Variants in MICU1 observed in about 807,000 individuals in gnomAD.
MICU1 encodes calcium uptake protein 1, mitochondrial.
In MICU1, 45 loss-of-function variants were observed where a neutral mutation model predicts 56.8. The ratio of observed to expected loss-of-function variants is 0.79; its 90% CI spans 0.62 to 1.02. The LOEUF (loss-of-function observed/expected upper bound fraction) is 1.02. Ranked by LOEUF, MICU1 falls within the 50% of genes least tolerant of loss-of-function variation. The probability of loss-of-function intolerance (pLI) is 0.00; values close to 1 mark genes in which losing one functional copy is unlikely to be tolerated. For missense variants in MICU1, 504 were observed against 587.1 expected (o/e 0.86, Z 1.46); for synonymous variants, 186 against 195.1 (o/e 0.95, Z 0.39).
chr10:72,527,522 C>G (rs748388244), intron 5 of MICU1, among the ~76,000 whole-genome samples: 43 of 152,148 alleles, frequency 2.8e-4, no homozygotes, highest in Admixed American at 5.2e-4. Context: ...ATCACCACAC[C>G]TGGCAACCTT....
intron 1 of MICU1, among the ~76,000 whole-genome samples, chr10:72,606,945 T>C (rs1358308207): frequency 6.6e-6 from 1 of 152,182 alleles, no homozygotes; most frequent in Admixed American, 6.5e-5. Context: ...TCCAGGCTGG[T>C]GAACTCATGA....
At position 72,591,225 on chromosome 10, in the gene MICU1, G is replaced by A. The variant is rs192148780; in HGVS notation, c.-1-24431C>T. Among the ~76,000 whole-genome samples, 428 of 152,188 alleles carry A rather than the reference G, an allele frequency of 2.8e-3. 2 individuals carry two copies. The highest frequency in any genetic ancestry group is 5.2e-3 in the Non-Finnish European group (354 of 68,020). ...ACAAAACATGTGGGATGCAGCAAAA[G>A]CAGTGCTAAGGGGGAAATTTAAAGG... On this transcript the variant is annotated intron_variant, in intron 1 of 11. Transcript: ENST00000361114.
intron 10 of MICU1, among the ~76,000 whole-genome samples, chr10:72,402,485 G>A (rs1483157179): frequency 6.6e-6 from 1 of 151,928 alleles, no homozygotes; most frequent in Non-Finnish European, 1.5e-5. Flanking sequence ...CTGCTAATTG[G>A]AGTATATATT....
At position 72,410,337 on chromosome 10, in the gene MICU1, C is replaced by A. The variant is rs150784734; in HGVS notation, c.1072-2300G>T. On this transcript the variant is annotated intron_variant, in intron 9 of 11. Transcript: ENST00000361114. ...TATTCAAACATTTATAGAGTACTAGCCAGGCACGGTGGCTCACGCCTGTAA... is the reference window on the plus strand; with the variant it reads ...TATTCAAACATTTATAGAGTACTAGACAGGCACGGTGGCTCACGCCTGTAA... 4.7e-3 allele frequency among the ~76,000 whole-genome samples: 715 copies of A among 152,302 alleles called. 2 individuals are homozygous for A. The highest frequency in any genetic ancestry group is 0.02 in the Middle Eastern group (6 of 294).
At chr10:72,598,427 T>C (rs780877667) in intron 1 of MICU1, among the ~76,000 whole-genome samples, 83 of 152,016 alleles carry the variant, frequency 5.5e-4, no homozygotes, top group Non-Finnish European at 9.0e-4. Flanking sequence ...GGCTGATTTT[T>C]GTATTTTTAG....
intron 9 of MICU1, among the ~76,000 whole-genome samples, chr10:72,412,825 T>C (rs1017342098): frequency 2.1e-5 from 3 of 142,906 alleles, no homozygotes; most frequent in Non-Finnish European, 3.0e-5. Flanking sequence ...CACTCCAGCC[T>C]GGGCGACAAG....
At chr10:72,461,513 T>C (rs1483181456) in intron 8 of MICU1, among the ~76,000 whole-genome samples, 1 of 152,252 alleles carries the variant, frequency 6.6e-6, no homozygotes, top group African/African-American at 2.4e-5. Context: ...AACTGTACTG[T>C]ACTTATGTAC....
chr10:72,605,855 G>A (rs1841673090), intron 1 of MICU1, among the ~76,000 whole-genome samples: 1 of 152,166 alleles, frequency 6.6e-6, no homozygotes, highest in African/African-American at 2.4e-5. Flanking sequence ...CACTGGCTGG[G>A]CGTGGTGACT....
intron 1 of MICU1, among the ~76,000 whole-genome samples, chr10:72,604,272 T>C (rs993890117): frequency 1.9e-5 from 2 of 103,454 alleles, no homozygotes; most frequent in East Asian, 2.1e-4. Context: ...TTTCCTGCCC[T>C]TTTTTTTTTT....
intron 3 of MICU1, among the ~76,000 whole-genome samples, chr10:72,561,215 G>A (rs541868528): frequency 9.6e-4 from 146 of 152,322 alleles, no homozygotes; most frequent in African/African-American, 3.4e-3. Flanking sequence ...TTTCTATGAA[G>A]TATGAGATAT....
At position 72,475,237 on chromosome 10, in the gene MICU1, T is replaced by C; in HGVS notation, c.796A>G (p.Thr266Ala). 6.2e-7 allele frequency: 1 copy of C among 1,610,446 alleles called. No individual in the cohort carries two copies. The highest frequency in any genetic ancestry group is 8.5e-7 in the Non-Finnish European group (1 of 1,178,234). ...MGMRHRDRPT[T>A]GNTLKSGLCS... The stretch of plus-strand genomic sequence containing the variant: ...AAGCCAGACTTGAGGGTGTTGCCAG[T>C]AGTTGGACGATCTCTGTGGCGCATA... The change falls in exon 8 of 12, where the codon ACT becomes GCT. Residue 266 changes from threonine to alanine, a missense_variant. Physicochemically the swap from Thr to Ala is moderately conservative, Grantham distance 58 (BLOSUM62 0). Coordinates refer to ENST00000361114, the MANE Select transcript of MICU1 (RefSeq NM_001195518.2).
Position 72,475,099 on chromosome 10 carries a change from C to A in MICU1, c.933+1G>T. The A allele has an allele frequency of 6.2e-7, 1 of 1,606,576 alleles. No individual in the cohort carries two copies. Among genetic ancestry groups the A allele is most frequent in the Non-Finnish European group, 8.5e-7 (1 of 1,176,270 alleles). ...ATCTACTGAGTCTAAGGAAGACCTA[C>A]CTCAAGCTTCAGAACATCATGCTGC... is the stretch of plus-strand genomic sequence containing the variant. On this transcript the variant is annotated splice_donor_variant, in intron 8 of 11. Coordinates refer to ENST00000361114, the MANE Select transcript of MICU1 (RefSeq NM_001195518.2). LOFTEE classifies it high-confidence loss of function.
intron 1 of MICU1, among the ~76,000 whole-genome samples, chr10:72,617,663 C>T (rs775794437): frequency 6.6e-6 from 1 of 152,084 alleles, no homozygotes; most frequent in Non-Finnish European, 1.5e-5. Context: ...AAGACCATGT[C>T]TCTACAAAAA....
At chr10:72,568,747 C>CTTTTTTTTTTTTTTTT (rs72319510) in intron 1 of MICU1, among the ~76,000 whole-genome samples, 1 of 55,548 alleles carries the variant, frequency 1.8e-5, no homozygotes. Flanking sequence ...AGTTCTTATT[C>CTTTTTTTTTTTTTTTT]TTTTTTTTTT....
intron 10 of MICU1, 32 bp downstream of exon 10, chr10:72,407,897 C>A (rs376914322): frequency 6.8e-7 from 1 of 1,463,828 alleles, no homozygotes; most frequent in South Asian, 1.2e-5. Context: ...AATGTTCATA[C>A]CTTCAAAAAA....
intron 9 of MICU1, among the ~76,000 whole-genome samples, chr10:72,417,470 A>AAAAAAG (rs1564855438): frequency 6.7e-6 from 1 of 149,206 alleles, no homozygotes; most frequent in African/African-American, 2.5e-5. Context: ...AAAAAAAAAA[A>AAAAAAG]AAAGAAATAT....
intron 10 of MICU1, among the ~76,000 whole-genome samples, chr10:72,380,981 A>G (rs941766819): frequency 2.0e-5 from 3 of 152,216 alleles, no homozygotes; most frequent in African/African-American, 7.2e-5. Flanking sequence ...GACACTGAGT[A>G]TTCCCTAGGA....
chr10:72,478,849 G>A (rs1046931289), intron 6 of MICU1, among the ~76,000 whole-genome samples: 2 of 152,272 alleles, frequency 1.3e-5, no homozygotes, highest in South Asian at 4.1e-4. Context: ...CAGCTAGGCT[G>A]GTCTTGAACT....
Position 72,612,290 on chromosome 10 carries a change from A to G in MICU1, c.-2+13720T>C, listed in dbSNP as rs550036367. Reference sequence around the variant, plus strand: ...GCCATCTGTTTTCTTAACCAAAAAAAAAAAATGACACTTCGTGAATCTTAA... The same window carrying G: ...GCCATCTGTTTTCTTAACCAAAAAAGAAAAATGACACTTCGTGAATCTTAA... On this transcript the variant is annotated intron_variant, in intron 1 of 11. Coordinates refer to ENST00000361114, the MANE Select transcript of MICU1 (RefSeq NM_001195518.2). Among the ~76,000 whole-genome samples, 4 of 152,118 alleles carry G rather than the reference A, an allele frequency of 2.6e-5. No individual in the cohort carries two copies. In the South Asian group the frequency reaches 8.3e-4, roughly 32 times the overall value.
Sources: gnomAD v4.1 joint callset for allele counts (sites outside exome capture counted in the v4.1 genomes callset) on GRCh38, gnomAD v4.1.1 for gene constraint, MANE v1.5 for transcripts, NCBI Gene and HGNC (gene_info 2026-07-23, HGNC 2026-07-21) for gene names.